The following OCSTAMP variants were observed in gnomAD, a reference collection of about 807,000 sequenced individuals.
OCSTAMP encodes the protein osteoclast stimulatory transmembrane protein, also known as transmembrane protein C20orf123.
In OCSTAMP, 17 loss-of-function variants were observed where a neutral mutation model predicts 25.2. The ratio of observed to expected loss-of-function variants is 0.68; its 90% CI spans 0.46 to 1.01. The LOEUF (loss-of-function observed/expected upper bound fraction) is 1.01, where lower values mean the gene tolerates loss of function less well. OCSTAMP is among the 50% of genes least tolerant of loss of function. The probability of loss-of-function intolerance (pLI) is 0.00; values close to 1 mark genes in which losing one functional copy is unlikely to be tolerated. For synonymous variants in OCSTAMP, 345 were observed against 318.9 expected (o/e 1.08, Z -0.87); for missense variants, 664 against 694.6 (o/e 0.96, Z 0.50).
intron 2 of OCSTAMP, among the ~76,000 whole-genome samples, chr20:46,542,425 C>G (rs373287723): frequency 3.2e-4 from 49 of 151,984 alleles, no homozygotes; most frequent in African/African-American, 1.1e-3. Context: ...ACTAAAAATA[C>G]AAAAAATTAG....
Position 46,545,325 on chromosome 20 carries a change from ACAT to A in OCSTAMP, c.1046_1047+1del. On this transcript the variant is annotated splice_donor_variant and coding_sequence_variant, in exon 2 of 3. Transcript: ENST00000279028. LOFTEE classifies it high-confidence loss of function. ...CTTCCCTTTTCCCATCATCACACTTACATCATACTTGACCGTGAGCGTGATGGG... is the reference window on the plus strand; with the variant it reads ...CTTCCCTTTTCCCATCATCACACTTACATACTTGACCGTGAGCGTGATGGG... 1 of 1,460,044 alleles carries A rather than the reference ACAT, an allele frequency of 6.8e-7. No homozygotes were observed. The highest frequency in any genetic ancestry group is 9.1e-7 in the Non-Finnish European group (1 of 1,104,590). The allele number at this position is 1,460,044 out of a possible 1,614,324, so 90.4% of individuals were successfully genotyped here. A position where few individuals can be genotyped will look rare whatever the true frequency, so the allele number is the denominator to read the frequency against.
At position 46,545,615 on chromosome 20, in the gene OCSTAMP, C is replaced by A. The variant is rs1283353661; in HGVS notation, c.759G>T (p.Arg253=). ...WYLHCYLTDL[R]FDNIYATQQL... The stretch of plus-strand genomic sequence containing the variant: ...GTTGAGTGGCGTAGATATTGTCAAA[C>A]CGCAGGTCTGTCAGGTAGCAATGGA... The change falls in exon 2 of 3, where the codon CGG becomes CGT. Residue 253 remains arginine (R), a synonymous_variant. Transcript: ENST00000279028. 1 of 1,551,748 alleles carries A rather than the reference C, an allele frequency of 6.4e-7. No individual in the cohort carries two copies.
chr20:46,543,228 TTCTTTTTC>T (rs2061840186), intron 2 of OCSTAMP, among the ~76,000 whole-genome samples: 3 of 144,940 alleles, frequency 2.1e-5, no homozygotes, highest in African/African-American at 5.4e-5. Context: ...CTTCCTTCCT[TTCTTTTTC>T]TTTCTTTCTT....
chr20:46,542,519 G>T (rs1245707080), intron 2 of OCSTAMP, among the ~76,000 whole-genome samples: 2 of 143,848 alleles, frequency 1.4e-5, no homozygotes, highest in African/African-American at 5.3e-5. Flanking sequence ...AGGGGAGGGT[G>T]CAGTGAGATT....
At chr20:46,549,844 T>C (rs2061865164) in intron 1 of OCSTAMP, among the ~76,000 whole-genome samples, 1 of 42,870 alleles carries the variant, frequency 2.3e-5, no homozygotes, top group African/African-American at 7.9e-5. Flanking sequence ...TGCCCCCATT[T>C]GGAAATAAGG....
At chr20:46,548,325 C>A (rs2061859614) in intron 1 of OCSTAMP, among the ~76,000 whole-genome samples, 2 of 152,164 alleles carry the variant, frequency 1.3e-5, no homozygotes, top group Admixed American at 6.5e-5. Context: ...AGAGTCAACT[C>A]CACCGGAGCA....
chr20:46,541,207 C>T lies in OCSTAMP; in HGVS notation c.*67G>A. 1 of 673,542 alleles carries T rather than the reference C, an allele frequency of 1.5e-6. No homozygotes were observed. Among genetic ancestry groups the T allele is most frequent in the Non-Finnish European group, 2.8e-6 (1 of 359,974 alleles). 41.7% of individuals were successfully genotyped at this position (673,542 alleles called of 1,614,324 possible). A position where few individuals can be genotyped will look rare whatever the true frequency, so the allele number is the denominator to read the frequency against. On this transcript the variant is annotated 3_prime_UTR_variant, in exon 3 of 3. Transcript: ENST00000279028. The stretch of plus-strand genomic sequence containing the variant: ...CAGATGAGATGAGCCTGATCGCCAA[C>T]CAGCCTGGAGGAACCATGAGCTCTC...
Position 46,545,969 on chromosome 20 carries a change from C to T in OCSTAMP, c.405G>A (p.Val135=), listed in dbSNP as rs972204460. 5.8e-6 allele frequency: 9 copies of T among 1,551,314 alleles called. No individual in the cohort carries two copies. The African/African-American group carries it at 1.1e-4, about 19-fold the overall frequency. ...YSTATLAIAV[V]PNVLANVGAA... ...CACCCACGTTGGCCAGGACGTTGGG[C>T]ACCACAGCAATGGCCAGGGTGGCAG... Residue 135 remains valine (V), a synonymous_variant, in exon 2 of 3, where the codon GTG becomes GTA. Coordinates refer to ENST00000279028, the MANE Select transcript of OCSTAMP (RefSeq NM_080721.3).
chr20:46,545,732 C>T lies in OCSTAMP; in HGVS notation c.642G>A (p.Leu214=). ...GCGCTGCTGCCCGGGCCAGGGACTCCAGGCCAGAGAAATCCTCCAGGACCT... is the reference window on the plus strand; with the variant it reads ...GCGCTGCTGCCCGGGCCAGGGACTCTAGGCCAGAGAAATCCTCCAGGACCT... The part of the protein sequence containing the change: ...TQQVLEDFSG[L]ESLARAAALG... The change falls in exon 2 of 3, where the codon CTG becomes CTA. Residue 214 remains leucine (L), a synonymous_variant. Transcript: ENST00000279028. The T allele has an allele frequency of 1.3e-6, 2 of 1,551,606 alleles. No homozygotes were observed. Among genetic ancestry groups the T allele is most frequent in the East Asian group, 2.4e-5 (1 of 40,916 alleles).
At position 46,541,176 on chromosome 20, in the gene OCSTAMP, T is replaced by C. The variant is rs1372268650; in HGVS notation, c.*98A>G. 1 of 639,402 alleles carries C rather than the reference T, an allele frequency of 1.6e-6. No individual in the cohort carries two copies. Among genetic ancestry groups the C allele is most frequent in the South Asian group, 1.8e-5 (1 of 54,078 alleles). 39.6% of individuals were successfully genotyped at this position (639,402 alleles called of 1,614,324 possible). A position where few individuals can be genotyped will look rare whatever the true frequency, so the allele number is the denominator to read the frequency against. On this transcript the variant is annotated 3_prime_UTR_variant, in exon 3 of 3. Coordinates refer to ENST00000279028, the MANE Select transcript of OCSTAMP (RefSeq NM_080721.3). ...GGTCTCCATCTAACAAGTAGAGCAG[T>C]TGGTGCAGATGAGATGAGCCTGATC...
chr20:46,545,816 T>C lies in OCSTAMP; in HGVS notation c.558A>G (p.Thr186=). 6.4e-7 allele frequency: 1 copy of C among 1,551,310 alleles called. No individual in the cohort carries two copies. Among genetic ancestry groups the C allele is most frequent in the South Asian group, 1.2e-5 (1 of 84,056 alleles). ...PTGQAGSRGL[T]FEAQDNGSAF... ...CAGAGCCATTGTCCTGGGCCTCAAA[T>C]GTCAGGCCCCGGCTGCCTGCCTGGC... The change falls in exon 2 of 3, where the codon ACA becomes ACG. Residue 186 remains threonine, a synonymous_variant. Coordinates refer to ENST00000279028, the MANE Select transcript of OCSTAMP (RefSeq NM_080721.3).
chr20:46,543,232 TTTTCTTTCTTTC>T (rs3086626), intron 2 of OCSTAMP, among the ~76,000 whole-genome samples: 1 of 147,824 alleles, frequency 6.8e-6, no homozygotes, highest in African/African-American at 2.6e-5. Flanking sequence ...CTTCCTTTCT[TTTTCTTTCTTTC>T]TTTCTTTCTT....
rs6011984 is a variant in OCSTAMP at position 46,549,516 on chromosome 20, G to C, written c.44+1001C>G. On this transcript the variant is annotated intron_variant, in intron 1 of 2. Coordinates refer to ENST00000279028, the MANE Select transcript of OCSTAMP (RefSeq NM_080721.3). ...TGGACTGGGGTGGGATAGATGGAGAGTGACCCAGTTTTACCTGGGAGTCAG... is the reference window on the plus strand; with the variant it reads ...TGGACTGGGGTGGGATAGATGGAGACTGACCCAGTTTTACCTGGGAGTCAG... Among the ~76,000 whole-genome samples the C allele has an allele frequency of 9.4e-4, 143 of 152,338 alleles. 1 individual carries two copies. Among genetic ancestry groups the C allele is most frequent in the African/African-American group, 3.2e-3 (135 of 41,568 alleles).
chr20:46,545,191 G>A (rs1226207690), intron 2 of OCSTAMP, 136 bp downstream of exon 2: 2 of 857,562 alleles, frequency 2.3e-6, no homozygotes, highest in Non-Finnish European at 3.4e-6. Flanking sequence ...TCTGCCCATG[G>A]TATGGGGCCC....
chr20:46,545,237 T>G, intron 2 of OCSTAMP, 90 bp downstream of exon 2: 1 of 1,344,948 alleles, frequency 7.4e-7, no homozygotes. Flanking sequence ...TGGAGGCAAG[T>G]CAAATTTCAT....
intron 1 of OCSTAMP, among the ~76,000 whole-genome samples, chr20:46,548,088 C>T (rs150166017): frequency 2.0e-5 from 3 of 152,276 alleles, no homozygotes; most frequent in African/African-American, 7.2e-5. Flanking sequence ...TGAAAAGTAT[C>T]CTCTGATATA....
Position 46,545,528 on chromosome 20 carries a change from C to A in OCSTAMP, c.846G>T (p.Trp282Cys), listed in dbSNP as rs1676742050. Reference sequence around the variant, plus strand: ...GCCTCAGCTGAGCCGCCTGGAGCAGCCAGGTGGGTGGAGGGGCCAGGAGGT... The same window carrying A: ...GCCTCAGCTGAGCCGCCTGGAGCAGACAGGTGGGTGGAGGGGCCAGGAGGT... ...ATHLLAPPPT[W>C]LLQAAQLRLS... is the part of the protein sequence containing the mutation. The change falls in exon 2 of 3, where the codon TGG (tryptophan) becomes TGT (cysteine). Residue 282 changes from tryptophan to cysteine, a missense_variant. Transcript: ENST00000279028. 1.9e-6 allele frequency: 3 copies of A among 1,551,294 alleles called. No homozygotes were observed. In the African/African-American group the frequency reaches 4.1e-5, roughly 21 times the overall value.
intron 1 of OCSTAMP, among the ~76,000 whole-genome samples, chr20:46,550,064 G>A (rs116410719): frequency 0.042 from 6,393 of 152,134 alleles, 449 homozygotes; most frequent in African/African-American, 0.15. Context: ...CCCCTTCCCA[G>A]CTCCCGAAGG....
At chr20:46,544,043 TA>T (rs990843345) in intron 2 of OCSTAMP, among the ~76,000 whole-genome samples, 5 of 151,962 alleles carry the variant, frequency 3.3e-5, no homozygotes, top group East Asian at 3.9e-4. Context: ...ACACCATCTC[TA>T]AAAAAAATAT....
Sources: gnomAD v4.1 joint callset for allele counts (sites outside exome capture counted in the v4.1 genomes callset) on GRCh38, gnomAD v4.1.1 for gene constraint, MANE v1.5 for transcripts, NCBI Gene and HGNC (gene_info 2026-07-23, HGNC 2026-07-21) for gene names.